The following ATP8A2 variants were observed in gnomAD, a reference collection of about 807,000 sequenced individuals.
The protein encoded by ATP8A2 is phospholipid-transporting ATPase IB.
In ATP8A2, 100 loss-of-function variants were observed where a neutral mutation model predicts 165.6. That is an observed-to-expected ratio of 0.60 (90% CI 0.51 to 0.71). The LOEUF (loss-of-function observed/expected upper bound fraction) is 0.71. ATP8A2 is among the 30% of genes least tolerant of loss of function. The probability of loss-of-function intolerance (pLI) is 0.00; values close to 1 mark genes in which losing one functional copy is unlikely to be tolerated. For missense variants in ATP8A2, 1,227 were observed against 1,479.5 expected (o/e 0.83, Z 2.80); for synonymous variants, 543 against 548.8 (o/e 0.99, Z 0.15).
At chr13:25,840,846 A>C (rs1951733919) in intron 30 of ATP8A2, among the ~76,000 whole-genome samples, 1 of 152,210 alleles carries the variant, frequency 6.6e-6, no homozygotes, top group Non-Finnish European at 1.5e-5. Context: ...CATAAGAGAA[A>C]TTTGAGCAAT....
At chr13:25,568,663 G>A (rs1435681594) in intron 16 of ATP8A2, among the ~76,000 whole-genome samples, 3 of 152,134 alleles carry the variant, frequency 2.0e-5, no homozygotes, top group African/African-American at 7.2e-5. Context: ...TGGGGAAGAT[G>A]AAGTTTTGTG....
intron 24 of ATP8A2, among the ~76,000 whole-genome samples, chr13:25,679,610 T>C (rs1385491543): frequency 1.3e-5 from 2 of 152,226 alleles, no homozygotes; most frequent in African/African-American, 4.8e-5. Context: ...GTATTAATCT[T>C]GTATACCATA....
chr13:25,452,721 A>G (rs2035261765), intron 1 of ATP8A2, among the ~76,000 whole-genome samples: 1 of 152,212 alleles, frequency 6.6e-6, no homozygotes, highest in Admixed American at 6.5e-5. Flanking sequence ...GGTAAGGTTG[A>G]GGCTTGAAAA....
At chr13:25,379,694 T>A (rs1185265035) in intron 1 of ATP8A2, among the ~76,000 whole-genome samples, 1 of 152,222 alleles carries the variant, frequency 6.6e-6, no homozygotes, top group East Asian at 1.9e-4. Flanking sequence ...TGTAGCAAAC[T>A]AAGTGGTCTT....
intron 33 of ATP8A2, among the ~76,000 whole-genome samples, chr13:25,921,083 C>A (rs1416109325): frequency 6.6e-6 from 1 of 151,846 alleles, no homozygotes. Context: ...ACATAAACCA[C>A]AAAACAAAAC....
intron 24 of ATP8A2, among the ~76,000 whole-genome samples, chr13:25,628,443 T>C (rs539021840): frequency 1.1e-3 from 161 of 152,214 alleles, no homozygotes; most frequent in Non-Finnish European, 2.0e-3. Flanking sequence ...ACTTACGTTT[T>C]CATACTTCCT....
chr13:25,574,439 C>G (rs1165014394), intron 18 of ATP8A2, among the ~76,000 whole-genome samples: 1 of 152,198 alleles, frequency 6.6e-6, no homozygotes, highest in African/African-American at 2.4e-5. Flanking sequence ...GCATGTTACC[C>G]CAGACCCTGC....
Position 25,968,634 on chromosome 13 carries a change from C to T in ATP8A2, c.3332C>T (p.Ser1111Phe), listed in dbSNP as rs1261515527. Residue 1111 changes from serine to phenylalanine, a missense_variant, in exon 35 of 37, where the codon TCT (serine) becomes TTT (phenylalanine). This residue lies in a region of ATP8A2 where 260 missense variants were observed against 245.1 expected (regional missense o/e 1.06). Transcript: ENST00000381655. ...GAGGTGCAGGAGCTGGAAACCAAGT[C>T]TCGAGTCCTGGGAAAAGCGGTGCTG... ...LEEVQELETKSRVLGKAVLRD... is the reference protein window; with the variant it reads ...LEEVQELETKFRVLGKAVLRD... The T allele has an allele frequency of 1.2e-6, 2 of 1,613,890 alleles. No individual in the cohort carries two copies. Among genetic ancestry groups the T allele is most frequent in the Admixed American group, 1.7e-5 (1 of 60,016 alleles).
intron 24 of ATP8A2, among the ~76,000 whole-genome samples, chr13:25,613,967 A>T (rs1232466726): frequency 6.6e-6 from 1 of 152,022 alleles, no homozygotes; most frequent in Non-Finnish European, 1.5e-5. Context: ...AGCTCTTAAG[A>T]TTCTTTTCTT....
intron 24 of ATP8A2, among the ~76,000 whole-genome samples, chr13:25,634,753 C>T (rs1270862109): frequency 6.6e-6 from 1 of 152,098 alleles, no homozygotes; most frequent in Non-Finnish European, 1.5e-5. Context: ...ATTTCTTTCA[C>T]TTGCCTTCTC....
intron 24 of ATP8A2, among the ~76,000 whole-genome samples, chr13:25,654,771 C>G (rs558267464): frequency 6.6e-6 from 1 of 152,248 alleles, no homozygotes; most frequent in East Asian, 1.9e-4. Context: ...GACAGTCCCC[C>G]CAAGTCTTCC....
chr13:25,579,742 G>A lies in ATP8A2; in HGVS notation c.1868-66G>A. On this transcript the variant is annotated intron_variant, in intron 21 of 36. Coordinates refer to ENST00000381655, the MANE Select transcript of ATP8A2 (RefSeq NM_016529.6). Reference sequence around the variant, plus strand: ...TTTGGGCATGCTGATGGAAAAGGGAGCACAGGCTGTCCCCTAGGAGGTCAC... The same window carrying A: ...TTTGGGCATGCTGATGGAAAAGGGAACACAGGCTGTCCCCTAGGAGGTCAC... The A allele has an allele frequency of 1.9e-6, 3 of 1,582,102 alleles. 1 individual carries two copies. The highest frequency in any genetic ancestry group is 2.6e-6 in the Non-Finnish European group (3 of 1,156,046).
At chr13:25,893,796 G>A (rs1593517608) in intron 33 of ATP8A2, among the ~76,000 whole-genome samples, 1 of 152,136 alleles carries the variant, frequency 6.6e-6, no homozygotes, top group African/African-American at 2.4e-5. Context: ...TTTCTCTGAT[G>A]GCCAGTGATG....
chr13:25,932,911 A>G (rs899488990), intron 33 of ATP8A2, among the ~76,000 whole-genome samples: 2 of 152,042 alleles, frequency 1.3e-5, no homozygotes, highest in African/African-American at 4.8e-5. Context: ...CAGTGGCGTG[A>G]TCTCGGCTCA....
chr13:25,798,880 A>C (rs868861171), intron 27 of ATP8A2, among the ~76,000 whole-genome samples: 1 of 152,070 alleles, frequency 6.6e-6, no homozygotes, highest in African/African-American at 2.4e-5. Flanking sequence ...GGACATGACA[A>C]ATTAAGCCAG....
At chr13:25,635,712 A>T (rs1307313339) in intron 24 of ATP8A2, among the ~76,000 whole-genome samples, 1 of 152,192 alleles carries the variant, frequency 6.6e-6, no homozygotes, top group Non-Finnish European at 1.5e-5. Context: ...CAAGTTTTGA[A>T]GATTTCCTCT....
chr13:25,758,462 G>GTCTGA (rs1321113530), intron 25 of ATP8A2, among the ~76,000 whole-genome samples: 1 of 152,186 alleles, frequency 6.6e-6, no homozygotes, highest in African/African-American at 2.4e-5. Context: ...ATCAGACTTT[G>GTCTGA]TCCAAGGAAG....
chr13:25,976,574 C>T (rs964656559), intron 35 of ATP8A2, among the ~76,000 whole-genome samples: 3 of 142,422 alleles, frequency 2.1e-5, no homozygotes, highest in African/African-American at 7.3e-5. Context: ...TGAAAAGGGT[C>T]ACAGTCTGCT....
rs1472153079 is a variant in ATP8A2 at position 25,536,439 on chromosome 13, A to C, written c.508-1549A>C. Among the ~76,000 whole-genome samples, 3 of 152,206 alleles carry C rather than the reference A, an allele frequency of 2.0e-5. No homozygotes were observed. The East Asian group carries it at 5.8e-4, about 29-fold the overall frequency. ...CCAAAATATTTTTTACTTTTAAAAAACACTTTCAATTGACATAACATCCAT... is the reference window on the plus strand; with the variant it reads ...CCAAAATATTTTTTACTTTTAAAAACCACTTTCAATTGACATAACATCCAT... On this transcript the variant is annotated intron_variant, in intron 6 of 36. Coordinates refer to ENST00000381655, the MANE Select transcript of ATP8A2 (RefSeq NM_016529.6).
Sources: allele counts gnomAD v4.1 joint callset (sites outside exome capture counted in the v4.1 genomes callset), GRCh38; gene constraint gnomAD v4.1.1; regional missense constraint gnomAD v4.1.1; transcripts MANE v1.5; gene names NCBI Gene and HGNC (gene_info 2026-07-23, HGNC 2026-07-21).